The following CTNND2 variants were observed in gnomAD, a reference collection of about 807,000 sequenced individuals.
CTNND2 encodes the protein catenin delta 2, also known as catenin delta-2.
A neutral mutation model predicts 144.4 loss-of-function variants in CTNND2; 22 were observed. The observed-to-expected ratio is 0.15, with a 90% confidence interval of 0.11 to 0.22. The LOEUF (loss-of-function observed/expected upper bound fraction) is 0.22. Ranked by LOEUF, CTNND2 falls within the 10% of genes least tolerant of loss-of-function variation. The probability of loss-of-function intolerance (pLI) is 1.00; values close to 1 mark genes in which losing one functional copy is unlikely to be tolerated. For missense variants in CTNND2, 1,353 were observed against 1,618.8 expected (o/e 0.84, Z 2.82); for synonymous variants, 751 against 695.6 (o/e 1.08, Z -1.25).
chr5:11,357,488 T>C (rs1447145083), intron 8 of CTNND2, among the ~76,000 whole-genome samples: 1 of 151,850 alleles, frequency 6.6e-6, no homozygotes, highest in Non-Finnish European at 1.5e-5. Flanking sequence ...GAAGCTGATA[T>C]CATAGAAGCA....
At chr5:11,289,418 T>A (rs1748082793) in intron 9 of CTNND2, among the ~76,000 whole-genome samples, 1 of 152,228 alleles carries the variant, frequency 6.6e-6, no homozygotes, top group Admixed American at 6.5e-5. Context: ...TGGCATCTTC[T>A]CTTATCAAAT....
At position 11,903,796 on chromosome 5, in the gene CTNND2, C is replaced by G; in HGVS notation, c.37+21G>C. The G allele has an allele frequency of 6.8e-7, 1 of 1,473,676 alleles. No individual in the cohort carries two copies. Among genetic ancestry groups the G allele is most frequent in the Non-Finnish European group, 8.9e-7 (1 of 1,119,672 alleles). The allele number at this position is 1,473,676 out of a possible 1,614,324, so 91.3% of individuals were successfully genotyped here. On this transcript the variant is annotated intron_variant, in intron 1 of 21. Coordinates refer to ENST00000304623, the MANE Select transcript of CTNND2 (RefSeq NM_001332.4). The surrounding 1 kb of genome is among the most constrained non-coding windows in gnomAD (Gnocchi z 5.4). Reference sequence around the variant, plus strand: ...GGGAGGAGGCTGCGCCCGGCCCCGGCCGCCCAGCCCCGCAACTCACCCAAA... The same window carrying G: ...GGGAGGAGGCTGCGCCCGGCCCCGGGCGCCCAGCCCCGCAACTCACCCAAA...
At chr5:11,121,182 A>C (rs1036434473) in intron 12 of CTNND2, among the ~76,000 whole-genome samples, 17 of 152,200 alleles carry the variant, frequency 1.1e-4, no homozygotes, top group Admixed American at 6.5e-5. Flanking sequence ...TTACTATGAA[A>C]CTTAACAAGA....
intron 9 of CTNND2, among the ~76,000 whole-genome samples, chr5:11,273,534 T>G (rs1031471603): frequency 2.0e-5 from 3 of 152,222 alleles, no homozygotes; most frequent in Admixed American, 6.5e-5. Context: ...GCCATAAGCT[T>G]GAAGGAAAAT....
intron 2 of CTNND2, 27 bp downstream of exon 2, chr5:11,732,109 A>G (rs772864443): frequency 2.5e-6 from 4 of 1,599,328 alleles, no homozygotes; most frequent in Admixed American, 3.4e-5. Flanking sequence ...CCCCAAACGC[A>G]TATCACAAAA....
intron 9 of CTNND2, among the ~76,000 whole-genome samples, chr5:11,253,782 T>G (rs1488102602): frequency 6.6e-6 from 1 of 152,214 alleles, no homozygotes; most frequent in African/African-American, 2.4e-5. Flanking sequence ...TTTCCTAATC[T>G]GTATTATTCT....
chr5:11,437,666 G>T (rs562513308), intron 3 of CTNND2, among the ~76,000 whole-genome samples: 3 of 152,324 alleles, frequency 2.0e-5, no homozygotes, highest in South Asian at 2.1e-4. Flanking sequence ...GTAAGTTTGG[G>T]ACAGAGACAA....
At position 11,364,749 on chromosome 5, in the gene CTNND2, C is replaced by T. The variant is rs897851304; in HGVS notation, c.1319G>A (p.Ser440Asn). ...QKPPMRSLSQ[S>N]QGDPLPPAHT... ...TGCTGGCGGCAGAGGGTCCCCCTGG[C>T]TCTGGCTGAGACTCCTCATAGGGGG... The change falls in exon 8 of 22, where the codon AGC (serine) becomes AAC (asparagine). Residue 440 changes from serine (S) to asparagine (N), a missense_variant. Coordinates refer to ENST00000304623, the MANE Select transcript of CTNND2 (RefSeq NM_001332.4). 1.2e-6 allele frequency: 2 copies of T among 1,613,842 alleles called. No individual in the cohort carries two copies. The highest frequency in any genetic ancestry group is 2.2e-5 in the South Asian group (2 of 91,058).
intron 1 of CTNND2, among the ~76,000 whole-genome samples, chr5:11,890,111 T>G (rs927793430): frequency 1.3e-5 from 2 of 152,214 alleles, no homozygotes; most frequent in South Asian, 2.1e-4. Context: ...AAAAGTAGCC[T>G]GAAAATTCCC....
chr5:11,649,098 G>A (rs1361507928), intron 2 of CTNND2, among the ~76,000 whole-genome samples: 1 of 152,022 alleles, frequency 6.6e-6, no homozygotes, highest in African/African-American at 2.4e-5. Context: ...TACCACTTCT[G>A]TATTTATTTT....
intron 1 of CTNND2, among the ~76,000 whole-genome samples, chr5:11,882,669 T>C (rs1304961515): frequency 6.6e-6 from 1 of 152,150 alleles, no homozygotes; most frequent in African/African-American, 2.4e-5. Context: ...TGTCTGTTTT[T>C]ATAACAGTAC....
intron 15 of CTNND2, among the ~76,000 whole-genome samples, chr5:11,086,348 C>T (rs1348099558): frequency 2.0e-5 from 3 of 152,106 alleles, no homozygotes; most frequent in African/African-American, 7.2e-5. Context: ...TGATTCTACA[C>T]TGAGAAATGG....
intron 1 of CTNND2, among the ~76,000 whole-genome samples, chr5:11,830,364 GTT>G (rs1793830849): frequency 6.6e-6 from 1 of 152,202 alleles, no homozygotes; most frequent in Non-Finnish European, 1.5e-5. Context: ...ATTCCCATGT[GTT>G]CTGGGAGGGA....
intron 9 of CTNND2, among the ~76,000 whole-genome samples, chr5:11,324,162 T>C (rs970290244): frequency 3.9e-5 from 6 of 152,124 alleles, no homozygotes; most frequent in Non-Finnish European, 2.9e-5. Flanking sequence ...ACTCCAAACA[T>C]GCAGAGGTTG....
Position 11,000,090 on chromosome 5 carries a change from T to C in CTNND2, c.3085-7413A>G, listed in dbSNP as rs533080229. Among the ~76,000 whole-genome samples, 4 of 152,308 alleles carry C rather than the reference T, an allele frequency of 2.6e-5. No individual in the cohort carries two copies. The East Asian group carries it at 7.7e-4, about 29-fold the overall frequency. On this transcript the variant is annotated intron_variant, in intron 18 of 21. Coordinates refer to ENST00000304623, the MANE Select transcript of CTNND2 (RefSeq NM_001332.4). ...ACTCTCCATTTTATATTTCTGAACA[T>C]CCTGTAAACATCGCCAAGAAGAATG...
intron 16 of CTNND2, among the ~76,000 whole-genome samples, chr5:11,023,578 G>A (rs898317738): frequency 3.3e-5 from 5 of 152,104 alleles, no homozygotes; most frequent in Non-Finnish European, 5.9e-5. Context: ...CAGGAGAGAG[G>A]TACTTGACAA....
chr5:11,083,937 C>T (rs1482332911), intron 15 of CTNND2: 3 of 1,148,048 alleles, frequency 2.6e-6, no homozygotes, highest in East Asian at 9.5e-5. Context: ...GCCATGCCTG[C>T]CACATCCTCA....
At chr5:11,411,932 T>C (rs1367927138) in intron 4 of CTNND2, 103 bp downstream of exon 4, 1 of 947,756 alleles carries the variant, frequency 1.1e-6, no homozygotes, top group South Asian at 1.4e-5. Context: ...TATCGGGATG[T>C]TTTCCTATTA....
chr5:11,538,510 A>G (rs1019025922), intron 3 of CTNND2, among the ~76,000 whole-genome samples: 2 of 152,220 alleles, frequency 1.3e-5, no homozygotes, highest in Admixed American at 1.3e-4. Flanking sequence ...ATTTATTGTA[A>G]TAATTATCTT....
Sources: allele counts gnomAD v4.1 joint callset (sites outside exome capture counted in the v4.1 genomes callset), GRCh38; gene constraint gnomAD v4.1.1; non-coding constraint Gnocchi (gnomAD v3.1); transcripts MANE v1.5; gene names NCBI Gene and HGNC (gene_info 2026-07-23, HGNC 2026-07-21).